The following DGKB variants were observed in gnomAD, a reference collection of about 807,000 sequenced individuals.
The protein encoded by DGKB is diacylglycerol kinase beta.
A neutral mutation model predicts 114.3 loss-of-function variants in DGKB; 67 were observed. That is an observed-to-expected ratio of 0.59 (90% CI 0.48 to 0.72). DGKB has a LOEUF of 0.72. Among genes scored for constraint, DGKB ranks in the 30% least tolerant of loss-of-function variants. The pLI, the probability that DGKB is intolerant of heterozygous loss-of-function variation, is 0.00. For synonymous variants in DGKB, 398 were observed against 323.1 expected, an observed-to-expected ratio of 1.23 and a Z score of -2.49; for missense variants, 907 against 975.2, an observed-to-expected ratio of 0.93 and a Z score of 0.93.
At chr7:14,658,898 C>A (rs572023851) in intron 13 of DGKB, among the ~76,000 whole-genome samples, 1 of 151,866 alleles carries the variant, frequency 6.6e-6, no homozygotes, top group African/African-American at 2.4e-5. Flanking sequence ...TTTATTAACT[C>A]TATTCTTCTT....
rs1847905665 is a variant in DGKB at position 14,841,346 on chromosome 7, C to T, written c.-83G>A. The stretch of plus-strand genomic sequence containing the variant: ...CGCAGAGGTCTATGCTTCAAAGATT[C>T]CACATGGCATGTTTCATGATAAAAT... On this transcript the variant is annotated 5_prime_UTR_variant, in exon 2 of 26. The change creates a premature stop within an existing upstream ORF in the 5' untranslated region. Transcript: ENST00000402815. The T allele has an allele frequency of 8.6e-7, 1 of 1,167,584 alleles. No homozygotes were observed. The highest frequency in any genetic ancestry group is 1.2e-6 in the Non-Finnish European group (1 of 813,096). The allele number at this position is 1,167,584 out of a possible 1,614,324, so 72.3% of individuals were successfully genotyped here.
chr7:14,774,340 C>G (rs1372671862), intron 2 of DGKB, among the ~76,000 whole-genome samples: 3 of 152,182 alleles, frequency 2.0e-5, no homozygotes, highest in Non-Finnish European at 4.4e-5. Context: ...ATTGTCCAAG[C>G]ACTACAGAAG....
chr7:14,759,091 A>G (rs58583321), intron 2 of DGKB, among the ~76,000 whole-genome samples: 11,706 of 152,066 alleles, frequency 0.077, 738 homozygotes, highest in African/African-American at 0.16. Flanking sequence ...TGCCTGGCTA[A>G]TTTTTATAAT....
intron 8 of DGKB, among the ~76,000 whole-genome samples, chr7:14,697,263 G>C (rs758511637): frequency 1.3e-5 from 2 of 151,844 alleles, no homozygotes; most frequent in African/African-American, 2.4e-5. Flanking sequence ...AAGAGCTTTG[G>C]GCAAGTAATT....
intron 1 of DGKB, among the ~76,000 whole-genome samples, chr7:14,920,798 T>G (rs576957350): frequency 6.6e-6 from 1 of 152,140 alleles, no homozygotes; most frequent in Non-Finnish European, 1.5e-5. Flanking sequence ...GTCTCTAAAA[T>G]GAAATATTAT....
chr7:14,712,851 A>G (rs1827596737), intron 6 of DGKB, among the ~76,000 whole-genome samples: 1 of 152,090 alleles, frequency 6.6e-6, no homozygotes, highest in Admixed American at 6.6e-5. Context: ...ATATAGTAAG[A>G]CTATTTCTTA....
chr7:14,335,374 C>T (rs1810458635), intron 23 of DGKB, among the ~76,000 whole-genome samples: 1 of 152,062 alleles, frequency 6.6e-6, no homozygotes, highest in Admixed American at 6.6e-5. Flanking sequence ...AATTTAGTTA[C>T]ATGTGTCCCC....
At chr7:14,385,703 T>C (rs1820223462) in intron 21 of DGKB, among the ~76,000 whole-genome samples, 1 of 152,170 alleles carries the variant, frequency 6.6e-6, no homozygotes, top group Non-Finnish European at 1.5e-5. Flanking sequence ...TCAAATAAAT[T>C]GCATTGAAGT....
intron 23 of DGKB, among the ~76,000 whole-genome samples, chr7:14,252,690 G>T (rs1192037922): frequency 6.6e-6 from 1 of 152,142 alleles, no homozygotes; most frequent in Non-Finnish European, 1.5e-5. Flanking sequence ...GGGCAGGTAT[G>T]CCTCTGGAAT....
At chr7:14,698,595 G>T (rs560620063) in intron 7 of DGKB, among the ~76,000 whole-genome samples, 48 of 152,194 alleles carry the variant, frequency 3.2e-4, no homozygotes, top group African/African-American at 9.1e-4. Context: ...GATACACTGA[G>T]AATATACATT....
intron 21 of DGKB, among the ~76,000 whole-genome samples, chr7:14,428,026 A>G (rs1379781359): frequency 1.3e-5 from 2 of 151,950 alleles, no homozygotes; most frequent in Non-Finnish European, 2.9e-5. Context: ...TGGTTCATTT[A>G]TTTTTCAATA....
intron 2 of DGKB, among the ~76,000 whole-genome samples, chr7:14,787,641 G>T (rs1227054270): frequency 6.6e-6 from 1 of 152,160 alleles, no homozygotes; most frequent in Non-Finnish European, 1.5e-5. Context: ...TTAGTCTGGA[G>T]AACTAAGAGT....
At chr7:14,676,995 T>G (rs956740632) in intron 12 of DGKB, among the ~76,000 whole-genome samples, 3 of 152,054 alleles carry the variant, frequency 2.0e-5, no homozygotes, top group Non-Finnish European at 4.4e-5. Flanking sequence ...GTGCCATATG[T>G]AGGAAAATCA....
At chr7:14,461,456 T>C (rs1330461469) in intron 21 of DGKB, among the ~76,000 whole-genome samples, 1 of 151,648 alleles carries the variant, frequency 6.6e-6, no homozygotes, top group Non-Finnish European at 1.5e-5. Flanking sequence ...CAAACTACCA[T>C]CAGAGAATAC....
At chr7:14,922,333 G>C (rs1331899443) in intron 1 of DGKB, among the ~76,000 whole-genome samples, 1 of 151,446 alleles carries the variant, frequency 6.6e-6, no homozygotes, top group Non-Finnish European at 1.5e-5. Context: ...ATAACATGAA[G>C]ACTATGTATG....
chr7:14,281,433 T>C (rs1204934652), intron 23 of DGKB, among the ~76,000 whole-genome samples: 1 of 140,512 alleles, frequency 7.1e-6, no homozygotes, highest in Non-Finnish European at 1.5e-5. Context: ...CACCCCACTG[T>C]CAACATTAGA....
intron 2 of DGKB, among the ~76,000 whole-genome samples, chr7:14,791,000 T>G (rs1177027366): frequency 6.6e-6 from 1 of 152,150 alleles, no homozygotes; most frequent in Admixed American, 6.6e-5. Flanking sequence ...TTTAAAAATT[T>G]TTTTCTTTTT....
At chr7:14,375,379 A>G (rs1429357176) in intron 21 of DGKB, among the ~76,000 whole-genome samples, 1 of 152,200 alleles carries the variant, frequency 6.6e-6, no homozygotes, top group African/African-American at 2.4e-5. Flanking sequence ...AAGAGCTAAG[A>G]GGTAATGAAC....
At chr7:14,774,383 G>C (rs1837854317) in intron 2 of DGKB, among the ~76,000 whole-genome samples, 1 of 152,200 alleles carries the variant, frequency 6.6e-6, no homozygotes, top group South Asian at 2.1e-4. Flanking sequence ...TTGGATATTT[G>C]TTCCACTTGA....
Sources: gnomAD v4.1 joint callset for allele counts (sites outside exome capture counted in the v4.1 genomes callset) on GRCh38, gnomAD v4.1.1 for gene constraint, MANE v1.5 for transcripts, NCBI Gene and HGNC (gene_info 2026-07-23, HGNC 2026-07-21) for gene names.